NXN: variants seen among roughly 807,000 people sequenced by gnomAD.
NXN encodes the protein nucleoredoxin 1.
NXN carries 16 observed loss-of-function variants against 48.6 expected under a neutral mutation model. That is an observed-to-expected ratio of 0.33 (90% CI 0.22 to 0.50). The LOEUF (loss-of-function observed/expected upper bound fraction) is 0.50. NXN is among the 20% of genes least tolerant of loss of function. The pLI is 0.98. For missense variants in NXN, 492 were observed against 605.5 expected (o/e 0.81, Z 1.97); for synonymous variants, 281 against 269.6 (o/e 1.04, Z -0.41).
chr17:861,385 CG>C (rs1199552935), intron 1 of NXN, among the ~76,000 whole-genome samples: 3 of 151,998 alleles, frequency 2.0e-5, no homozygotes, highest in African/African-American at 7.3e-5. Context: ...CCGCCCACCT[CG>C]GCCTCCCACA....
In NXN at chr17:805,143, G is replaced by A; in HGVS notation, c.925C>T (p.Pro309Ser). The part of the protein sequence containing the change: ...DEDCREFPWH[P>S]KPVLELSDSN... ...TCGGAGAGCTCCAGCACGGGCTTGG[G>A]GTGCCAGGGGAACTCCCGGCAGTCC... Residue 309 changes from proline (P) to serine (S), a missense_variant, in exon 6 of 8, where the codon CCC becomes TCC. Physicochemically the swap from Pro to Ser is moderately conservative, Grantham distance 74. Coordinates refer to ENST00000336868, the MANE Select transcript of NXN (RefSeq NM_022463.5). 1 of 1,610,412 alleles carries A rather than the reference G, an allele frequency of 6.2e-7. No homozygotes were observed. Among genetic ancestry groups the A allele is most frequent in the Non-Finnish European group, 8.5e-7 (1 of 1,178,918 alleles).
chr17:874,317 C>T (rs938441231), intron 1 of NXN, among the ~76,000 whole-genome samples: 3 of 152,090 alleles, frequency 2.0e-5, no homozygotes, highest in Non-Finnish European at 2.9e-5. Flanking sequence ...CAGCCGGGCA[C>T]GGTGGCTCAC....
intron 1 of NXN, among the ~76,000 whole-genome samples, chr17:887,636 A>G (rs1039044740): frequency 1.3e-5 from 2 of 152,170 alleles, no homozygotes; most frequent in Non-Finnish European, 2.9e-5. Flanking sequence ...GTGCTCGCCA[A>G]TTAAACGGGA....
intron 1 of NXN, among the ~76,000 whole-genome samples, chr17:839,695 A>G (rs74667616): frequency 0.047 from 7,106 of 150,494 alleles, 283 homozygotes; most frequent in East Asian, 0.24. Flanking sequence ...CCAGCTACGC[A>G]GGAGGTTGAG....
At chr17:836,395 C>A in intron 1 of NXN, among the ~76,000 whole-genome samples, 1 of 152,190 alleles carries the variant, frequency 6.6e-6, no homozygotes, top group African/African-American at 2.4e-5. Flanking sequence ...AAACGTCACC[C>A]CTGCCCTCCA....
intron 1 of NXN, among the ~76,000 whole-genome samples, chr17:922,768 C>T (rs1304281923): frequency 3.3e-5 from 5 of 151,952 alleles, no homozygotes; most frequent in African/African-American, 9.7e-5. Context: ...TCTCCTGCCT[C>T]GGCCTCCCGA....
intron 1 of NXN, among the ~76,000 whole-genome samples, chr17:912,824 C>T (rs1055835370): frequency 6.6e-6 from 1 of 151,856 alleles, no homozygotes; most frequent in African/African-American, 2.4e-5. Flanking sequence ...CGTGGTGGTA[C>T]GTGTCTGTAA....
At chr17:908,661 C>T (rs1423936136) in intron 1 of NXN, among the ~76,000 whole-genome samples, 1 of 152,178 alleles carries the variant, frequency 6.6e-6, no homozygotes, top group African/African-American at 2.4e-5. Flanking sequence ...GAGAGCGCTT[C>T]AGGGTTATCA....
At chr17:944,045 C>T (rs1265359613) in intron 1 of NXN, among the ~76,000 whole-genome samples, 1 of 151,988 alleles carries the variant, frequency 6.6e-6, no homozygotes, top group Non-Finnish European at 1.5e-5. Flanking sequence ...CGAGACCAGC[C>T]TGGCCAACAT....
intron 1 of NXN, among the ~76,000 whole-genome samples, chr17:922,131 C>A (rs527727787): frequency 7.2e-5 from 11 of 152,278 alleles, no homozygotes; most frequent in African/African-American, 2.6e-4. Context: ...GCCCTGTATT[C>A]AGGGATATGA....
At chr17:937,744 G>A (rs983201154) in intron 1 of NXN, among the ~76,000 whole-genome samples, 8 of 152,212 alleles carry the variant, frequency 5.3e-5, no homozygotes, top group Non-Finnish European at 1.0e-4. Flanking sequence ...ACGCTGTCAC[G>A]GGGACGCCGG....
chr17:837,319 A>G (rs1289325374), intron 1 of NXN, among the ~76,000 whole-genome samples: 3 of 152,146 alleles, frequency 2.0e-5, no homozygotes, highest in Non-Finnish European at 2.9e-5. Flanking sequence ...CCTTGTCCTC[A>G]TATCCCCAGA....
intron 1 of NXN, among the ~76,000 whole-genome samples, chr17:968,851 C>A: frequency 6.6e-6 from 1 of 151,954 alleles, no homozygotes; most frequent in South Asian, 2.1e-4. Context: ...GCAGGAGTAT[C>A]GCTTGAACCT....
chr17:839,847 A>C (rs1387194071), intron 1 of NXN, among the ~76,000 whole-genome samples: 4 of 146,352 alleles, frequency 2.7e-5, no homozygotes, highest in African/African-American at 7.7e-5. Context: ...CTATAATCCC[A>C]GCACTTTGGG....
At chr17:822,599 G>C (rs1482268711) in intron 3 of NXN, 142 bp from the exon 4 acceptor site, 2 of 614,248 alleles carry the variant, frequency 3.3e-6, no homozygotes, top group Non-Finnish European at 5.9e-6. Flanking sequence ...AAATGAGATG[G>C]GTATGGTGGC....
intron 1 of NXN, among the ~76,000 whole-genome samples, chr17:946,093 A>T (rs2069040023): frequency 6.6e-6 from 1 of 152,124 alleles, no homozygotes; most frequent in Non-Finnish European, 1.5e-5. Context: ...TAACTAAAAG[A>T]CAAGGAGTTG....
At chr17:846,407 T>C (rs561467909) in intron 1 of NXN, among the ~76,000 whole-genome samples, 12 of 122,702 alleles carry the variant, frequency 9.8e-5, no homozygotes, top group Admixed American at 2.6e-4. Context: ...CAGAGAGAAA[T>C]TGTCTCAAAA....
At chr17:806,941 C>T (rs1911575489) in intron 5 of NXN, among the ~76,000 whole-genome samples, 1 of 145,966 alleles carries the variant, frequency 6.9e-6, no homozygotes, top group Non-Finnish European at 1.5e-5. Flanking sequence ...CACACACACA[C>T]ACACACGCAC....
At chr17:918,717 C>G (rs551110898) in intron 1 of NXN, among the ~76,000 whole-genome samples, 79 of 141,130 alleles carry the variant, frequency 5.6e-4, no homozygotes, top group African/African-American at 1.7e-3. Flanking sequence ...CGCTTGCACC[C>G]GGGAGGCAGA....
Sources: allele counts gnomAD v4.1 joint callset (sites outside exome capture counted in the v4.1 genomes callset), GRCh38; gene constraint gnomAD v4.1.1; transcripts MANE v1.5; gene names NCBI Gene and HGNC (gene_info 2026-07-23, HGNC 2026-07-21).